ABCB11: variants seen among roughly 807,000 people sequenced by gnomAD.
The protein encoded by ABCB11 is bile salt export pump.
Under a neutral mutation model 148.0 loss-of-function variants are expected in ABCB11, and 95 were observed. The ratio of observed to expected loss-of-function variants is 0.64; its 90% CI spans 0.54 to 0.76. The LOEUF is 0.76. Among genes scored for constraint, ABCB11 ranks in the 30% least tolerant of loss-of-function variants. The pLI is 0.00. For synonymous variants in ABCB11, 591 were observed against 555.4 expected, an observed-to-expected ratio of 1.06 and a Z score of -0.90; for missense variants, 1,523 against 1,617.8, an observed-to-expected ratio of 0.94 and a Z score of 1.01.
In ABCB11 at chr2:168,930,813, G is replaced by C; in HGVS notation, c.3263C>G (p.Pro1088Arg). The change falls in exon 25 of 28, where the codon CCT becomes CGT. Residue 1088 changes from proline to arginine, a missense_variant. Pro to Arg is a moderately radical substitution (Grantham distance 103). Transcript: ENST00000650372. ...CAGAACTTGCGAGTCAGGTCGAGAA[G>C]GATATGTAAATTTACAATCAACAAA... ...IDFVDCKFTY[P>R]SRPDSQVLNG... 6.2e-7 allele frequency: 1 copy of C among 1,611,870 alleles called. No individual in the cohort carries two copies. The highest frequency in any genetic ancestry group is 2.2e-5 in the East Asian group (1 of 44,860).
chr2:168,982,364 T>C (rs901900502), intron 10 of ABCB11, among the ~76,000 whole-genome samples: 1 of 152,176 alleles, frequency 6.6e-6, no homozygotes, highest in Admixed American at 6.5e-5. Context: ...TTGAGAGCAT[T>C]ACATGCAGTA....
At chr2:169,006,830 G>A (rs143284890) in intron 5 of ABCB11, among the ~76,000 whole-genome samples, 6 of 152,198 alleles carry the variant, frequency 3.9e-5, no homozygotes, top group South Asian at 2.1e-4. Flanking sequence ...AATAAAATAC[G>A]TAGCAATCAA....
At chr2:168,962,097 T>G (rs1291603502) in intron 18 of ABCB11, among the ~76,000 whole-genome samples, 1 of 151,728 alleles carries the variant, frequency 6.6e-6, no homozygotes, top group Non-Finnish European at 1.5e-5. Flanking sequence ...AAATCATTAA[T>G]TTTTTAAACC....
chr2:168,937,859 A>T (rs1691898746), intron 21 of ABCB11, among the ~76,000 whole-genome samples: 1 of 152,224 alleles, frequency 6.6e-6, no homozygotes. Context: ...ATATAGATGG[A>T]GAATGGACCA....
At chr2:168,945,362 G>A (rs960127173) in intron 19 of ABCB11, among the ~76,000 whole-genome samples, 4 of 151,868 alleles carry the variant, frequency 2.6e-5, no homozygotes, top group Admixed American at 6.6e-5. Context: ...ATATGATGAC[G>A]ATGTACTACA....
chr2:168,951,236 CT>C (rs35514442), intron 19 of ABCB11, among the ~76,000 whole-genome samples: 1 of 151,142 alleles, frequency 6.6e-6, no homozygotes, highest in Non-Finnish European at 1.5e-5. Flanking sequence ...TATTAGGGCT[CT>C]TTTTTTTAGT....
At chr2:168,983,879 G>T (rs1694221067) in intron 10 of ABCB11, among the ~76,000 whole-genome samples, 1 of 152,122 alleles carries the variant, frequency 6.6e-6, no homozygotes, top group Non-Finnish European at 1.5e-5. Flanking sequence ...CTATTTACTT[G>T]CAGGGCAAAT....
Position 168,935,319 on chromosome 2 carries a change from G to A in ABCB11, c.2921C>T (p.Ala974Val). ...ETELEKPFKT[A>V]IQKANIYGFC... ...TCCGTAAATATTGGCTTTCTGAATGGCTGTCTTGAAGGGCTTCTCCAGCTC... is the reference window on the plus strand; with the variant it reads ...TCCGTAAATATTGGCTTTCTGAATGACTGTCTTGAAGGGCTTCTCCAGCTC... The change falls in exon 23 of 28, where the codon GCC becomes GTC. Residue 974 changes from alanine (A) to valine (V), a missense_variant. Ala to Val is a moderately conservative substitution (Grantham distance 64). Coordinates refer to ENST00000650372, the MANE Select transcript of ABCB11 (RefSeq NM_003742.4). The A allele has an allele frequency of 1.2e-6, 2 of 1,614,020 alleles. No homozygotes were observed. The highest frequency in any genetic ancestry group is 1.1e-5 in the South Asian group (1 of 91,080).
intron 1 of ABCB11, among the ~76,000 whole-genome samples, chr2:169,030,543 A>C (rs1695835626): frequency 1.3e-5 from 2 of 152,332 alleles, no homozygotes; most frequent in East Asian, 1.9e-4. Flanking sequence ...ATTCCCCCTC[A>C]AAATGTTGAC....
At chr2:169,002,117 T>A (rs1367110991) in intron 5 of ABCB11, among the ~76,000 whole-genome samples, 2 of 152,178 alleles carry the variant, frequency 1.3e-5, no homozygotes. Flanking sequence ...CAGGAGTGGC[T>A]ATACTAATAT....
intron 5 of ABCB11, among the ~76,000 whole-genome samples, chr2:169,002,913 AT>A (rs1036688985): frequency 8.6e-5 from 13 of 151,992 alleles, no homozygotes; most frequent in East Asian, 3.9e-4. Context: ...GTAGATTTTT[AT>A]TTTTTTTGTT....
intron 8 of ABCB11, among the ~76,000 whole-genome samples, chr2:168,992,928 T>C (rs975433101): frequency 2.0e-5 from 3 of 152,102 alleles, no homozygotes; most frequent in African/African-American, 7.2e-5. Flanking sequence ...TTCTCATTTA[T>C]AGCACAGTTT....
At chr2:168,999,954 G>A (rs1391610286) in intron 5 of ABCB11, among the ~76,000 whole-genome samples, 2 of 152,064 alleles carry the variant, frequency 1.3e-5, no homozygotes, top group African/African-American at 4.8e-5. Context: ...ATGGTAGAGT[G>A]ATCCAATTCT....
At chr2:169,021,413 A>T (rs999014475) in intron 1 of ABCB11, among the ~76,000 whole-genome samples, 1 of 152,226 alleles carries the variant, frequency 6.6e-6, no homozygotes, top group Non-Finnish European at 1.5e-5. Flanking sequence ...GTTCAAAACA[A>T]TAATGGATAT....
intron 11 of ABCB11, among the ~76,000 whole-genome samples, chr2:168,979,134 A>G (rs1694039991): frequency 6.6e-6 from 1 of 152,092 alleles, no homozygotes; most frequent in South Asian, 2.1e-4. Flanking sequence ...CATGGTCTTG[A>G]AGTCCTGCAT....
rs758658884 is a variant in ABCB11, at chr2:168,936,225, A to T, written c.2814+5T>A. The T allele has an allele frequency of 3.1e-6, 5 of 1,611,882 alleles. No individual in the cohort carries two copies. The highest frequency in any genetic ancestry group is 4.2e-6 in the Non-Finnish European group (5 of 1,178,316). On this transcript the variant is annotated splice_donor_5th_base_variant and intron_variant, in intron 22 of 27. Transcript: ENST00000650372. ...GGAATGGGAAAATTAGATCTGCAAG[A>T]TTACCTGTCCCACCATCTCCAGGGC...
rs373956718 is a variant in ABCB11, at chr2:168,930,747, G to T, written c.3329C>A (p.Ala1110Glu). 1.9e-6 allele frequency: 3 copies of T among 1,610,296 alleles called. No individual in the cohort carries two copies. The highest frequency in any genetic ancestry group is 2.5e-6 in the Non-Finnish European group (3 of 1,177,452). Reference protein sequence around the residue: ...SVSISPGQTLAFVGSSGCGKS... With the variant: ...SVSISPGQTLEFVGSSGCGKS... ...GCCACATCCACTGCTCCCAACAAAC[G>T]CCAGTGTCTGCCCTGGACTAATCGA... Residue 1110 changes from alanine (A) to glutamate (E), a missense_variant, in exon 25 of 28, where the codon GCG (alanine) becomes GAG (glutamate). Physicochemically the swap from Ala to Glu is moderately radical, Grantham distance 107 (BLOSUM62 -1). Transcript: ENST00000650372.
chr2:168,944,496 A>G (rs562159060), intron 21 of ABCB11, 109 bp downstream of exon 21: 5 of 1,247,178 alleles, frequency 4.0e-6, no homozygotes, highest in African/African-American at 1.5e-5. Flanking sequence ...GGATATCCCA[A>G]TCCCACTGGT....
intron 6 of ABCB11, among the ~76,000 whole-genome samples, 161 bp downstream of exon 6, chr2:168,996,474 A>T (rs914877690): frequency 8.4e-4 from 127 of 151,946 alleles, no homozygotes; most frequent in African/African-American, 2.9e-3. Flanking sequence ...CTAAGTTTCC[A>T]TCTGAGAGAA....
Sources: gnomAD v4.1 joint callset for allele counts (sites outside exome capture counted in the v4.1 genomes callset) on GRCh38, gnomAD v4.1.1 for gene constraint, MANE v1.5 for transcripts, NCBI Gene and HGNC (gene_info 2026-07-23, HGNC 2026-07-21) for gene names.